Variants in ZKSCAN7 observed in about 807,000 individuals in gnomAD.
ZKSCAN7 encodes the protein zinc finger protein with KRAB and SCAN domains 7.
Under a neutral mutation model 65.3 loss-of-function variants are expected in ZKSCAN7, and 38 were observed. The observed-to-expected ratio is 0.58, with a 90% CI of 0.45 to 0.76. The LOEUF (loss-of-function observed/expected upper bound fraction) is 0.76, where lower values mean the gene tolerates loss of function less well. Among genes scored for constraint, ZKSCAN7 ranks in the 30% least tolerant of loss-of-function variants. The pLI, the probability that ZKSCAN7 is intolerant of heterozygous loss-of-function variation, is 0.00. For synonymous variants in ZKSCAN7, 321 were observed against 321.0 expected (o/e 1.00, Z 0.00); for missense variants, 815 against 913.3 (o/e 0.89, Z 1.39).
At chr3:44,568,559 T>C (rs1025446431) in intron 5 of ZKSCAN7, 126 bp downstream of exon 5, 4 of 1,359,626 alleles carry the variant, frequency 2.9e-6, no homozygotes, top group African/African-American at 1.5e-5. Context: ...GTGAATAATA[T>C]AGGGACCCTT....
At chr3:44,567,209 A>T (rs1699661807) in intron 3 of ZKSCAN7, among the ~76,000 whole-genome samples, 1 of 151,798 alleles carries the variant, frequency 6.6e-6, no homozygotes, top group Non-Finnish European at 1.5e-5. Flanking sequence ...GGAGGGAGGG[A>T]GCAAAAGAAA....
Position 44,570,487 on chromosome 3 carries a change from A to G in ZKSCAN7, c.1377A>G (p.Arg459=). The change falls in exon 6 of 6, where the codon AGA becomes AGG. Residue 459 remains arginine (R), a synonymous_variant. Coordinates refer to ENST00000426540, the MANE Select transcript of ZKSCAN7 (RefSeq NM_001288590.2). ...RHSSHLIQHQ[R]LHNGEKPYKC... is the part of the protein sequence containing the mutation. ...GCTCCCATCTCATTCAACACCAGAG[A>G]CTCCATAATGGGGAGAAACCCTATA... 6.2e-7 allele frequency: 1 copy of G among 1,614,088 alleles called. No homozygotes were observed. The highest frequency in any genetic ancestry group is 2.2e-5 in the East Asian group (1 of 44,878).
At chr3:44,575,070 A>G (rs972834660), downstream of ZKSCAN7, among the ~76,000 whole-genome samples, 1 of 152,178 alleles carries the variant, frequency 6.6e-6, no homozygotes, top group Non-Finnish European at 1.5e-5. Context: ...AGGCAGGAGG[A>G]TCACTTGAGG....
Position 44,556,917 on chromosome 3 carries a change from C to A in ZKSCAN7, c.-118-13C>A. The stretch of plus-strand genomic sequence containing the variant: ...ATACTCCAAGAACTCTGATTTCACT[C>A]TTGTTTCTGTAGGCCACACTACCAT... On this transcript the variant is annotated splice_polypyrimidine_tract_variant and intron_variant, in intron 1 of 5. Transcript: ENST00000426540. 1 of 1,219,148 alleles carries A rather than the reference C, an allele frequency of 8.2e-7. No individual in the cohort carries two copies. Among genetic ancestry groups the A allele is most frequent in the Middle Eastern group, 2.8e-4 (1 of 3,566 alleles). 75.5% of individuals were successfully genotyped at this position (1,219,148 alleles called of 1,614,324 possible).
chr3:44,582,991 A>G, exon 6 of ZKSCAN7: 1 of 446,952 alleles, frequency 2.2e-6, no homozygotes, highest in South Asian at 1.6e-5. Flanking sequence ...CAATGGCGTG[A>G]TCTTGGCTCA....
chr3:44,571,231 T>G lies in ZKSCAN7; in HGVS notation c.2121T>G (p.Ile707Met). 1 of 1,614,210 alleles carries G rather than the reference T, an allele frequency of 6.2e-7. No individual in the cohort carries two copies. Among genetic ancestry groups the G allele is most frequent in the Non-Finnish European group, 8.5e-7 (1 of 1,180,040 alleles). ...GKAFSDSSQL[I>M]VHQRVHTGEK... ...CTTTTAGTGACAGCTCACAGCTTAT[T>G]GTACACCAGAGAGTCCACACCGGAG... is the stretch of plus-strand genomic sequence containing the variant. Residue 707 changes from isoleucine to methionine, a missense_variant, in exon 6 of 6, where the codon ATT becomes ATG. Ile to Met is a conservative substitution (Grantham distance 10). Transcript: ENST00000426540.
At chr3:44,581,150 T>C (rs1391213413) in intron 5 of ZKSCAN7, 2 of 931,972 alleles carry the variant, frequency 2.1e-6, no homozygotes, top group East Asian at 1.1e-4. Context: ...CCGGCCTCCT[T>C]CCCTGCGGGC....
chr3:44,581,065 C>T, intron 5 of ZKSCAN7: 3 of 1,314,578 alleles, frequency 2.3e-6, no homozygotes, highest in Non-Finnish European at 2.9e-6. Context: ...GCCCGGCCGG[C>T]CTGGCGCTCC....
At chr3:44,565,466 A>C (rs754795028) in intron 2 of ZKSCAN7, 21 bp from the exon 3 acceptor site, 1 of 1,583,384 alleles carries the variant, frequency 6.3e-7, no homozygotes, top group South Asian at 1.2e-5. Flanking sequence ...TTTGAACCCA[A>C]TTGTATTTCC....
intron 2 of ZKSCAN7, among the ~76,000 whole-genome samples, chr3:44,563,299 C>G (rs1439547550): frequency 6.6e-6 from 1 of 152,184 alleles, no homozygotes; most frequent in Admixed American, 6.5e-5. Context: ...TTACCCAGTT[C>G]CAAAGTTGCT....
At chr3:44,579,267 CCCG>C (rs1361851606) in intron 5 of ZKSCAN7, among the ~76,000 whole-genome samples, 1 of 152,234 alleles carries the variant, frequency 6.6e-6, no homozygotes, top group Non-Finnish European at 1.5e-5. Context: ...CGGCGCTCCT[CCCG>C]CCTCCGTGCA....
intron 5 of ZKSCAN7, 37 bp downstream of exon 5, chr3:44,568,470 T>C: frequency 6.3e-7 from 1 of 1,595,256 alleles, no homozygotes; most frequent in Non-Finnish European, 8.5e-7. Flanking sequence ...AAAGTCTGCA[T>C]GCTGCACAAT....
intron 2 of ZKSCAN7, among the ~76,000 whole-genome samples, chr3:44,564,587 CT>C (rs1333954247): frequency 2.6e-5 from 4 of 152,200 alleles, no homozygotes; most frequent in Non-Finnish European, 4.4e-5. Flanking sequence ...ACTATCCCTG[CT>C]TTGTCAGTGT....
chr3:44,565,582 G>C lies in ZKSCAN7; in HGVS notation c.519G>C (p.Gly173=). Residue 173 remains glycine (G), a synonymous_variant, in exon 3 of 6, where the codon GGG becomes GGC. Coordinates refer to ENST00000426540, the MANE Select transcript of ZKSCAN7 (RefSeq NM_001288590.2). ...KESPPTSPLS[G]GSAPGAHLEP... ...CTCCTCCTACCTCACCCCTCAGTGGGGGCTCAGCCCCTGGAGCCCACCTGG... is the reference window on the plus strand; with the variant it reads ...CTCCTCCTACCTCACCCCTCAGTGGCGGCTCAGCCCCTGGAGCCCACCTGG... The C allele has an allele frequency of 6.2e-7, 1 of 1,612,686 alleles. No individual in the cohort carries two copies. The highest frequency in any genetic ancestry group is 8.5e-7 in the Non-Finnish European group (1 of 1,179,510).
At chr3:44,582,685 T>C (rs1700113217) in intron 5 of ZKSCAN7, among the ~76,000 whole-genome samples, 1 of 152,162 alleles carries the variant, frequency 6.6e-6, no homozygotes, top group Non-Finnish European at 1.5e-5. Flanking sequence ...ACAGGCAGGC[T>C]GGAATCTATT....
downstream of ZKSCAN7, among the ~76,000 whole-genome samples, chr3:44,572,337 G>A (rs1035178934): frequency 1.4e-5 from 2 of 143,630 alleles, no homozygotes; most frequent in African/African-American, 2.7e-5. Context: ...CTCAAAATGC[G>A]AATGGATTTT....
intron 2 of ZKSCAN7, among the ~76,000 whole-genome samples, chr3:44,560,701 G>C (rs913843332): frequency 2.0e-5 from 3 of 151,858 alleles, no homozygotes; most frequent in African/African-American, 7.3e-5. Flanking sequence ...GTAGAGACAG[G>C]GTTTCACCAT....
intron 2 of ZKSCAN7, 58 bp downstream of exon 2, chr3:44,557,528 AG>A (rs1432656831): frequency 1.0e-5 from 16 of 1,604,720 alleles, no homozygotes; most frequent in Non-Finnish European, 1.3e-5. Context: ...GGGTTAGCCT[AG>A]GAATAGGCAT....
At chr3:44,561,842 C>G (rs557014251) in intron 2 of ZKSCAN7, among the ~76,000 whole-genome samples, 2 of 152,242 alleles carry the variant, frequency 1.3e-5, no homozygotes, top group African/African-American at 4.8e-5. Flanking sequence ...CATCCTGGCC[C>G]CTGTGGCTCT....
Sources: gnomAD v4.1 joint callset for allele counts (sites outside exome capture counted in the v4.1 genomes callset) on GRCh38, gnomAD v4.1.1 for gene constraint, MANE v1.5 for transcripts, NCBI Gene and HGNC (gene_info 2026-07-23, HGNC 2026-07-21) for gene names.